The following LINGO2 variants were observed in gnomAD, a reference collection of about 807,000 sequenced individuals.
LINGO2 encodes leucine-rich repeat and immunoglobulin-like domain-containing nogo receptor-interacting protein 2.
A neutral mutation model predicts 30.6 loss-of-function variants in LINGO2; 14 were observed. That is an observed-to-expected ratio of 0.46 (90% CI 0.30 to 0.72). The LOEUF (loss-of-function observed/expected upper bound fraction) is 0.72, where lower values mean the gene tolerates loss of function less well. Ranked by LOEUF, LINGO2 falls within the 30% of genes least tolerant of loss-of-function variation. LINGO2 has a pLI of 0.07. For synonymous variants in LINGO2, 317 were observed against 288.5 expected, an observed-to-expected ratio of 1.10 and a Z score of -1.00; for missense variants, 729 against 751.7, an observed-to-expected ratio of 0.97 and a Z score of 0.35.
the LINGO2 span, among the ~76,000 whole-genome samples, chr9:28,791,634 T>C: frequency 6.6e-6 from 1 of 151,998 alleles, no homozygotes; most frequent in Non-Finnish European, 1.5e-5. Flanking sequence ...TAAAACTTGT[T>C]CAGAAATGAG....
the LINGO2 span, among the ~76,000 whole-genome samples, chr9:29,073,996 C>T: frequency 2.0e-5 from 3 of 151,672 alleles, no homozygotes; most frequent in East Asian, 5.9e-4. Context: ...CTATATGATA[C>T]ATCTTGGATT....
chr9:28,589,043 CA>C (rs1277365536), intron 1 of LINGO2, among the ~76,000 whole-genome samples: 3 of 152,104 alleles, frequency 2.0e-5, no homozygotes, highest in African/African-American at 7.2e-5. Context: ...GAACCGAAGA[CA>C]AAAACCACAT....
At chr9:27,952,417 A>G (rs1423190384) in intron 5 of LINGO2, among the ~76,000 whole-genome samples, 1 of 152,002 alleles carries the variant, frequency 6.6e-6, no homozygotes, top group Non-Finnish European at 1.5e-5. Context: ...CACACATTAC[A>G]AAGAATAATG....
intron 4 of LINGO2, among the ~76,000 whole-genome samples, chr9:28,270,885 C>G (rs1047403143): frequency 1.3e-5 from 2 of 152,088 alleles, no homozygotes; most frequent in African/African-American, 4.8e-5. Context: ...ACTTGAGATT[C>G]AGAGAGACTA....
chr9:29,038,646 A>C, the LINGO2 span, among the ~76,000 whole-genome samples: 1 of 147,950 alleles, frequency 6.8e-6, no homozygotes, highest in African/African-American at 2.6e-5. Context: ...GGCACAAGAG[A>C]ATTAATTAAA....
chr9:28,690,986 G>A, the LINGO2 span, among the ~76,000 whole-genome samples: 1 of 152,180 alleles, frequency 6.6e-6, no homozygotes, highest in Non-Finnish European at 1.5e-5. Context: ...TGGTGTTGTA[G>A]ATGGAGATGG....
chr9:29,195,004 G>A, the LINGO2 span, among the ~76,000 whole-genome samples: 1 of 152,096 alleles, frequency 6.6e-6, no homozygotes, highest in African/African-American at 2.4e-5. Context: ...TTCAAGGAAT[G>A]TTTGTGCTGT....
chr9:28,437,542 C>A (rs1189064830), intron 2 of LINGO2, among the ~76,000 whole-genome samples: 1 of 95,908 alleles, frequency 1.0e-5, no homozygotes, highest in Non-Finnish European at 2.0e-5. Context: ...CACATATACA[C>A]ACAGACGCAC....
intron 1 of LINGO2, among the ~76,000 whole-genome samples, chr9:28,548,702 CAAAAAAAAAAAAA>C (rs147347396): frequency 1.6e-4 from 10 of 63,340 alleles, no homozygotes; most frequent in African/African-American, 6.6e-4. Context: ...GACTCCATCT[CAAAAAAAAAAAAA>C]AAAAAAAAAA....
chr9:28,434,910 CTA>C (rs1823862135), intron 2 of LINGO2, among the ~76,000 whole-genome samples: 1 of 152,070 alleles, frequency 6.6e-6, no homozygotes, highest in African/African-American at 2.4e-5. Context: ...CCCATGAAGA[CTA>C]TATTTTACCA....
intron 1 of LINGO2, among the ~76,000 whole-genome samples, chr9:28,488,445 C>T (rs1032816143): frequency 5.9e-5 from 9 of 152,036 alleles, no homozygotes; most frequent in African/African-American, 2.2e-4. Flanking sequence ...GTGAGTTATC[C>T]TAAGACCATT....
At chr9:28,141,286 C>T (rs1041530040) in intron 4 of LINGO2, among the ~76,000 whole-genome samples, 3 of 152,158 alleles carry the variant, frequency 2.0e-5, no homozygotes, top group Non-Finnish European at 4.4e-5. Flanking sequence ...CTCATGCTTT[C>T]CTTCAGTGGG....
chr9:27,949,851 T>TCA lies in LINGO2; in HGVS notation c.820_821insTG (p.Tyr274LeufsTer3). On this transcript the variant is annotated frameshift_variant, in exon 6 of 6. Transcript: ENST00000379992. LOFTEE classifies it high-confidence loss of function. ...GTAGGAGAGGTTAAGGTGAGTCAGGTATACCAGGTGTTTAAAGGCAAGGAA... is the reference window on the plus strand; with the variant it reads ...GTAGGAGAGGTTAAGGTGAGTCAGGTCAATACCAGGTGTTTAAAGGCAAGGAA... 1 of 1,614,030 alleles carries TCA rather than the reference T, an allele frequency of 6.2e-7. No individual in the cohort carries two copies. Among genetic ancestry groups the TCA allele is most frequent in the Non-Finnish European group, 8.5e-7 (1 of 1,179,976 alleles).
At chr9:29,066,131 G>T in the LINGO2 span, among the ~76,000 whole-genome samples, 1 of 151,774 alleles carries the variant, frequency 6.6e-6, no homozygotes, top group Admixed American at 6.6e-5. Flanking sequence ...GGAGAGTCTC[G>T]CAAGTTATTA....
chr9:28,966,051 G>A, the LINGO2 span, among the ~76,000 whole-genome samples: 21 of 152,276 alleles, frequency 1.4e-4, no homozygotes, highest in African/African-American at 5.1e-4. Context: ...TCTATGGATA[G>A]AGAAAAATTT....
chr9:28,593,075 T>A (rs1035458172), intron 1 of LINGO2, among the ~76,000 whole-genome samples: 1 of 152,066 alleles, frequency 6.6e-6, no homozygotes, highest in African/African-American at 2.4e-5. Flanking sequence ...ATTTCCTGCT[T>A]TAGGTGTGAA....
the LINGO2 span, among the ~76,000 whole-genome samples, chr9:29,063,643 G>C: frequency 1.3e-5 from 2 of 151,914 alleles, no homozygotes; most frequent in African/African-American, 4.8e-5. Context: ...CAGGTAATCT[G>C]CCTGCCTCCA....
intron 4 of LINGO2, among the ~76,000 whole-genome samples, chr9:28,184,415 C>G (rs953369431): frequency 1.3e-5 from 2 of 152,020 alleles, no homozygotes; most frequent in African/African-American, 4.8e-5. Flanking sequence ...ACCTTTTGTA[C>G]CATTATATTG....
chr9:29,092,043 AAAT>A, the LINGO2 span, among the ~76,000 whole-genome samples: 3 of 152,056 alleles, frequency 2.0e-5, no homozygotes, highest in African/African-American at 7.2e-5. Context: ...TAAGCAAAAT[AAAT>A]AATAATGATG....
Sources: gnomAD v4.1 joint callset for allele counts (sites outside exome capture counted in the v4.1 genomes callset) on GRCh38, gnomAD v4.1.1 for gene constraint, MANE v1.5 for transcripts, NCBI Gene and HGNC (gene_info 2026-07-23, HGNC 2026-07-21) for gene names.